The following PBX3 variants were observed in gnomAD, a reference collection of about 807,000 sequenced individuals.
PBX3 encodes pre-B-cell leukemia transcription factor 3.
In PBX3, 14 loss-of-function variants were observed where a neutral mutation model predicts 48.5. That is an observed-to-expected ratio of 0.29 (90% CI 0.19 to 0.45). PBX3 has a LOEUF of 0.45. PBX3 is among the 20% of genes least tolerant of loss of function. The probability of loss-of-function intolerance (pLI) is 1.00; values close to 1 mark genes in which losing one functional copy is unlikely to be tolerated. For missense variants in PBX3, 386 were observed against 546.7 expected, an observed-to-expected ratio of 0.71 and a Z score of 2.93; for synonymous variants, 210 against 200.3, an observed-to-expected ratio of 1.05 and a Z score of -0.41.
At position 125,916,040 on chromosome 9, in the gene PBX3, A is replaced by T. The variant is rs990717248; in HGVS notation, c.516+113A>T. ...GGTAGGTGTTAACACAAATTACAAAATAAATAAGGTCAGTGCAAAAATCCA... is the reference window on the plus strand; with the variant it reads ...GGTAGGTGTTAACACAAATTACAAATTAAATAAGGTCAGTGCAAAAATCCA... On this transcript the variant is annotated intron_variant, in intron 3 of 8. Transcript: ENST00000373489. 2.8e-6 allele frequency: 4 copies of T among 1,410,524 alleles called. No homozygotes were observed. In the African/African-American group the frequency reaches 5.7e-5, roughly 20 times the overall value. The allele number at this position is 1,410,524 out of a possible 1,614,324, so 87.4% of individuals were successfully genotyped here.
At chr9:125,924,145 T>C (rs1841517987) in intron 3 of PBX3, among the ~76,000 whole-genome samples, 1 of 152,240 alleles carries the variant, frequency 6.6e-6, no homozygotes, top group African/African-American at 2.4e-5. Context: ...ACTAGAATTA[T>C]AGGCATGAGC....
In PBX3 at chr9:125,963,114, G is replaced by A. The variant is rs747147473; in HGVS notation, c.1212+13G>A. ...ACATAATTTAAATGTGAGTACTCTG[G>A]GGAGTCAGCTGTAGGAGAACAGTGT... is the stretch of plus-strand genomic sequence containing the variant. On this transcript the variant is annotated intron_variant, in intron 8 of 8. Coordinates refer to ENST00000373489, the MANE Select transcript of PBX3 (RefSeq NM_006195.6). 2.3e-5 allele frequency: 34 copies of A among 1,465,826 alleles called. No homozygotes were observed. The South Asian group carries it at 3.8e-4, about 17-fold the overall frequency. 90.8% of individuals were successfully genotyped at this position (1,465,826 alleles called of 1,614,324 possible). A position where few individuals can be genotyped will look rare whatever the true frequency, so the allele number is the denominator to read the frequency against.
At chr9:125,790,768 T>C (rs566668836) in intron 2 of PBX3, among the ~76,000 whole-genome samples, 1 of 152,142 alleles carries the variant, frequency 6.6e-6, no homozygotes, top group East Asian at 1.9e-4. Context: ...GGTCTTACTA[T>C]GTTGCCCGGA....
intron 2 of PBX3, among the ~76,000 whole-genome samples, chr9:125,812,714 T>C (rs538025578): frequency 6.6e-6 from 1 of 152,374 alleles, no homozygotes; most frequent in East Asian, 1.9e-4. Context: ...ACAGTGTTCT[T>C]ACACAAGCTT....
At chr9:125,899,870 T>C (rs1168463279) in intron 2 of PBX3, among the ~76,000 whole-genome samples, 2 of 151,672 alleles carry the variant, frequency 1.3e-5, no homozygotes, top group East Asian at 1.9e-4. Context: ...TGTGTTGATA[T>C]TGGTTTAGCA....
At chr9:125,749,238 A>G (rs1836298437) in intron 2 of PBX3, 1 of 152,252 alleles carries the variant, frequency 6.6e-6, no homozygotes, top group Non-Finnish European at 1.5e-5. Flanking sequence ...TTAATATATA[A>G]AGTATAAAAA....
At chr9:125,923,431 A>G (rs865995988) in intron 3 of PBX3, among the ~76,000 whole-genome samples, 1 of 152,230 alleles carries the variant, frequency 6.6e-6, no homozygotes, top group African/African-American at 2.4e-5. Flanking sequence ...AGCAGTTTTC[A>G]AACTTTTCAG....
intron 2 of PBX3, among the ~76,000 whole-genome samples, chr9:125,872,044 T>C (rs1196835369): frequency 6.6e-6 from 1 of 152,130 alleles, no homozygotes; most frequent in Non-Finnish European, 1.5e-5. Context: ...GTTTATGGGG[T>C]AACCATTAAA....
At chr9:125,781,268 G>A (rs999155510) in intron 2 of PBX3, among the ~76,000 whole-genome samples, 1 of 151,604 alleles carries the variant, frequency 6.6e-6, no homozygotes, top group Non-Finnish European at 1.5e-5. Flanking sequence ...CTGTAATCCC[G>A]GCACCTCGGG....
intron 2 of PBX3, among the ~76,000 whole-genome samples, chr9:125,829,676 T>TA (rs752208044): frequency 2.0e-5 from 3 of 151,952 alleles, no homozygotes; most frequent in Non-Finnish European, 4.4e-5. Context: ...TTCCTTAAAT[T>TA]AAAAAAAATG....
chr9:125,891,559 T>C (rs1328494868), intron 2 of PBX3, among the ~76,000 whole-genome samples: 1 of 152,228 alleles, frequency 6.6e-6, no homozygotes, highest in Non-Finnish European at 1.5e-5. Context: ...AATAAAATGT[T>C]TATAGAGTTA....
chr9:125,757,814 G>A (rs1836561226), intron 2 of PBX3, among the ~76,000 whole-genome samples: 2 of 152,160 alleles, frequency 1.3e-5, no homozygotes, highest in Admixed American at 1.3e-4. Context: ...ATAGCACAGG[G>A]CTGTCACTAT....
At chr9:125,863,104 G>T (rs1052432903) in intron 2 of PBX3, among the ~76,000 whole-genome samples, 18 of 151,846 alleles carry the variant, frequency 1.2e-4, no homozygotes, top group African/African-American at 4.1e-4. Context: ...TGCTTTGTTG[G>T]CCAGGCTGGT....
At chr9:125,924,581 A>G (rs1245779177) in intron 3 of PBX3, among the ~76,000 whole-genome samples, 2 of 152,172 alleles carry the variant, frequency 1.3e-5, no homozygotes, top group Non-Finnish European at 2.9e-5. Flanking sequence ...TTCACTTTGA[A>G]TGGCTCTTGT....
rs545004548 is a variant in PBX3 at position 125,747,779 on chromosome 9, C to T, written c.200+126C>T. On this transcript the variant is annotated intron_variant, in intron 1 of 8. Coordinates refer to ENST00000373489, the MANE Select transcript of PBX3 (RefSeq NM_006195.6). Reference sequence around the variant, plus strand: ...CCGGCGGGGAACTTTCTCCGAAAGCCGGCCGCCCGCCCCGGCCTCGGGGGG... The same window carrying T: ...CCGGCGGGGAACTTTCTCCGAAAGCTGGCCGCCCGCCCCGGCCTCGGGGGG... The T allele has an allele frequency of 7.5e-4, 504 of 671,380 alleles. 1 individual carries two copies. The African/African-American group carries it at 8.9e-3, about 12-fold the overall frequency. 41.6% of individuals were successfully genotyped at this position (671,380 alleles called of 1,614,324 possible).
At chr9:125,902,533 T>C (rs1258236041) in intron 2 of PBX3, among the ~76,000 whole-genome samples, 2 of 151,732 alleles carry the variant, frequency 1.3e-5, no homozygotes, top group African/African-American at 4.8e-5. Flanking sequence ...TTGAATCAGA[T>C]ACAGATTTAA....
At chr9:125,950,203 C>G (rs1842163739) in intron 5 of PBX3, among the ~76,000 whole-genome samples, 1 of 152,200 alleles carries the variant, frequency 6.6e-6, no homozygotes, top group Non-Finnish European at 1.5e-5. Flanking sequence ...ACGTTTTATA[C>G]ACTTTTGCAG....
chr9:125,776,618 C>T (rs1325115815), intron 2 of PBX3, among the ~76,000 whole-genome samples: 2 of 152,238 alleles, frequency 1.3e-5, no homozygotes, highest in African/African-American at 4.8e-5. Context: ...TCACTGCAAA[C>T]TCTGCCCCCC....
chr9:125,889,774 C>T (rs1250455256), intron 2 of PBX3, among the ~76,000 whole-genome samples: 1 of 149,984 alleles, frequency 6.7e-6, no homozygotes. Context: ...CGGGGCCGGG[C>T]CGCGGGGCCT....
Sources: allele counts gnomAD v4.1 joint callset (sites outside exome capture counted in the v4.1 genomes callset), GRCh38; gene constraint gnomAD v4.1.1; transcripts MANE v1.5; gene names NCBI Gene and HGNC (gene_info 2026-07-23, HGNC 2026-07-21).